Variants in ESYT2 observed in about 807,000 individuals in gnomAD.
ESYT2 encodes extended synaptotagmin-2.
In ESYT2, 54 loss-of-function variants were observed where a neutral mutation model predicts 107.2. The ratio of observed to expected loss-of-function variants is 0.50; its 90% CI spans 0.40 to 0.63. The LOEUF (loss-of-function observed/expected upper bound fraction) is 0.63. ESYT2 is among the 30% of genes least tolerant of loss of function. The pLI is 0.00. For missense variants in ESYT2, 1,020 were observed against 1,094.5 expected (o/e 0.93, Z 0.96); for synonymous variants, 491 against 434.1 (o/e 1.13, Z -1.63).
At chr7:158,818,919 G>A (rs535231583) in intron 1 of ESYT2, among the ~76,000 whole-genome samples, 273 of 152,326 alleles carry the variant, frequency 1.8e-3, no homozygotes, top group Admixed American at 3.2e-3. Context: ...CCCACAGAAG[G>A]GCAGCCCCAC....
intron 6 of ESYT2, among the ~76,000 whole-genome samples, chr7:158,774,605 C>G (rs984614143): frequency 1.3e-5 from 2 of 152,176 alleles, no homozygotes; most frequent in African/African-American, 4.8e-5. Flanking sequence ...AACAGGTACT[C>G]CCTGCCACAG....
intron 13 of ESYT2, among the ~76,000 whole-genome samples, chr7:158,758,173 A>T (rs1185568004): frequency 1.3e-5 from 2 of 152,234 alleles, no homozygotes; most frequent in Admixed American, 1.3e-4. Flanking sequence ...ATTATATACA[A>T]TTACATACAA....
chr7:158,751,415 C>CA (rs1446783400), intron 14 of ESYT2, among the ~76,000 whole-genome samples: 10 of 152,114 alleles, frequency 6.6e-5, no homozygotes, highest in Non-Finnish European at 1.3e-4. Context: ...TATTCAAAAT[C>CA]CATCAGCACA....
At chr7:158,826,091 T>C (rs1840432221) in intron 1 of ESYT2, among the ~76,000 whole-genome samples, 1 of 151,630 alleles carries the variant, frequency 6.6e-6, no homozygotes, top group African/African-American at 2.4e-5. Flanking sequence ...TTATTCATAG[T>C]TTCTTCTATT....
chr7:158,806,055 A>G (rs1839816834), intron 1 of ESYT2, among the ~76,000 whole-genome samples: 1 of 57,920 alleles, frequency 1.7e-5, no homozygotes, highest in Non-Finnish European at 4.0e-5. Context: ...CTAGCAGCAG[A>G]GCCGGCGCCG....
chr7:158,821,874 A>G lies in ESYT2; in HGVS notation c.330+7215T>C, dbSNP rs553344864. Among the ~76,000 whole-genome samples, 7 of 152,290 alleles carry G rather than the reference A, an allele frequency of 4.6e-5. No individual in the cohort carries two copies. The South Asian group carries it at 8.3e-4, about 18-fold the overall frequency. ...ACTGAACGTAAGGCCATGCCCTTCA[A>G]TAAGAGTAGAATCTCTTCCCTAGCA... On this transcript the variant is annotated intron_variant, in intron 1 of 22. Coordinates refer to ENST00000275418, the MANE Select transcript of ESYT2 (RefSeq NM_001367773.1).
intron 1 of ESYT2, among the ~76,000 whole-genome samples, chr7:158,816,396 T>C (rs896734083): frequency 6.6e-6 from 1 of 152,130 alleles, no homozygotes; most frequent in Non-Finnish European, 1.5e-5. Flanking sequence ...GAACAGAGAT[T>C]TGACAAAACA....
rs573197493 is a variant in ESYT2, at chr7:158,762,109, G to A, written c.1185-565C>T. ...TGCATCTGAGAGGAGGCCCATTCCC[G>A]TTCCCCTAAACCTCCCGTACTTCCA... On this transcript the variant is annotated intron_variant, in intron 10 of 22. Transcript: ENST00000275418. 1.0e-3 allele frequency among the ~76,000 whole-genome samples: 154 copies of A among 151,860 alleles called. 1 individual carries two copies. Among genetic ancestry groups the A allele is most frequent in the Admixed American group, 5.1e-3 (77 of 15,230 alleles).
At chr7:158,739,364 G>C (rs1405610149) in intron 18 of ESYT2, among the ~76,000 whole-genome samples, 1 of 152,004 alleles carries the variant, frequency 6.6e-6, no homozygotes, top group African/African-American at 2.4e-5. Flanking sequence ...TTTGTTTTTT[G>C]AGACGGAGTT....
rs1228411545 is a variant in ESYT2, at chr7:158,738,350, C to T, written c.2267+673G>A. Among the ~76,000 whole-genome samples, 396 of 101,976 alleles carry T rather than the reference C, an allele frequency of 3.9e-3. 9 individuals carry two copies. The highest frequency in any genetic ancestry group is 0.018 in the East Asian group (86 of 4,696). 66.9% of individuals were successfully genotyped at this position (101,976 alleles called of 152,430 possible). On this transcript the variant is annotated intron_variant, in intron 19 of 22. Transcript: ENST00000275418. ...AAATACACACACACACACAGACACA[C>T]ACACACACACACACACACACACACA...
chr7:158,758,095 G>A (rs1837830823), intron 13 of ESYT2, among the ~76,000 whole-genome samples: 1 of 95,356 alleles, frequency 1.0e-5, no homozygotes, highest in East Asian at 3.2e-4. Flanking sequence ...AGGTAAATAA[G>A]AGAAATGTAA....
At chr7:158,764,213 C>A (rs1441862900) in intron 9 of ESYT2, among the ~76,000 whole-genome samples, 1 of 152,120 alleles carries the variant, frequency 6.6e-6, no homozygotes, top group Non-Finnish European at 1.5e-5. Context: ...ATAGCCTAGG[C>A]CTCTCTGGGT....
chr7:158,790,359 G>A (rs1032903966), intron 4 of ESYT2, among the ~76,000 whole-genome samples: 1 of 152,144 alleles, frequency 6.6e-6, no homozygotes. Flanking sequence ...TGGTTGTTCT[G>A]AGTGCACAGT....
chr7:158,828,776 A>C (rs1417230419), intron 1 of ESYT2, among the ~76,000 whole-genome samples: 1 of 149,322 alleles, frequency 6.7e-6, no homozygotes, highest in African/African-American at 2.5e-5. Context: ...TGGGGTCTGC[A>C]CTCGCCCTAG....
chr7:158,799,022 T>TA lies in ESYT2; in HGVS notation c.372+8dup, dbSNP rs532722579. 866 of 1,612,380 alleles carry TA rather than the reference T, an allele frequency of 5.4e-4. 8 individuals carry two copies. The African/African-American group carries it at 0.01, about 19-fold the overall frequency. ...CTGATGGATGGTAGTTGGTATACTC[T>TA]AATCTTACCTTATTTAGCCATTCTG... On this transcript the variant is annotated intron_variant, in intron 2 of 22. Transcript: ENST00000275418.
intron 1 of ESYT2, among the ~76,000 whole-genome samples, chr7:158,828,433 A>C (rs967176029): frequency 1.3e-5 from 2 of 152,174 alleles, no homozygotes; most frequent in Non-Finnish European, 2.9e-5. Context: ...CACCAGGAGG[A>C]AGCGCGCGCT....
chr7:158,781,095 C>G (rs576634241), intron 6 of ESYT2, among the ~76,000 whole-genome samples: 1 of 152,244 alleles, frequency 6.6e-6, no homozygotes, highest in Non-Finnish European at 1.5e-5. Flanking sequence ...AAATGTGAGA[C>G]ACAACATGTC....
At chr7:158,809,935 C>G (rs1018783312) in intron 1 of ESYT2, among the ~76,000 whole-genome samples, 34 of 152,224 alleles carry the variant, frequency 2.2e-4, no homozygotes, top group Non-Finnish European at 1.0e-4. Context: ...TTCTTTGAAC[C>G]TATTCTGGTT....
chr7:158,734,521 G>A (rs1367339747), intron 21 of ESYT2, 50 bp from the exon 22 acceptor site: 2 of 1,542,940 alleles, frequency 1.3e-6, no homozygotes, highest in South Asian at 2.4e-5. Flanking sequence ...GGGGGCACTG[G>A]CTCCCGTCTG....
Sources: gnomAD v4.1 joint callset for allele counts (sites outside exome capture counted in the v4.1 genomes callset) on GRCh38, gnomAD v4.1.1 for gene constraint, MANE v1.5 for transcripts, NCBI Gene and HGNC (gene_info 2026-07-23, HGNC 2026-07-21) for gene names.